The following GALNS variants were observed in gnomAD, a reference collection of about 807,000 sequenced individuals.
GALNS encodes galactosamine (N-acetyl)-6-sulfatase, also known as N-acetylgalactosamine-6-sulfatase.
GALNS carries 65 observed loss-of-function variants against 65.9 expected under a neutral mutation model. The ratio of observed to expected loss-of-function variants is 0.99; its 90% CI spans 0.81 to 1.21. The LOEUF (loss-of-function observed/expected upper bound fraction) is 1.21. GALNS is among the 50% of genes most tolerant of loss of function. The pLI is 0.00. For missense variants in GALNS, 776 were observed against 700.7 expected (o/e 1.11, Z -1.21); for synonymous variants, 346 against 288.9 (o/e 1.20, Z -2.00).
intron 9 of GALNS, among the ~76,000 whole-genome samples, chr16:88,830,897 T>C (rs529638640): frequency 3.9e-5 from 6 of 152,270 alleles, no homozygotes; most frequent in African/African-American, 1.4e-4. Flanking sequence ...AAACGACCGA[T>C]TCTGTAGTAG....
intron 6 of GALNS, 115 bp from the exon 7 acceptor site, chr16:88,835,964 C>G (rs1054102501): frequency 6.1e-6 from 9 of 1,484,258 alleles, no homozygotes; most frequent in East Asian, 2.4e-5. Context: ...CCCGTCCCCA[C>G]GCGTCCCACG....
At chr16:88,840,822 A>C in intron 4 of GALNS, 170 bp downstream of exon 4, 1 of 664,866 alleles carries the variant, frequency 1.5e-6, no homozygotes. Flanking sequence ...TGGCAAGGTC[A>C]CGCTGGCCTG....
intron 13 of GALNS, chr16:88,816,174 C>T (rs997416891): frequency 1.0e-6 from 1 of 985,326 alleles, no homozygotes; most frequent in African/African-American, 1.7e-5. Context: ...GGCAGTTCCC[C>T]CAGTGCCCAG....
intron 1 of GALNS, among the ~76,000 whole-genome samples, chr16:88,853,496 G>T (rs1269778039): frequency 5.9e-5 from 9 of 152,170 alleles, no homozygotes; most frequent in African/African-American, 2.2e-4. Flanking sequence ...GGCTGCTGTG[G>T]CAACAGGAGC....
chr16:88,843,111 C>A (rs1445555358), intron 1 of GALNS: 1 of 1,472,168 alleles, frequency 6.8e-7, no homozygotes, highest in East Asian at 2.8e-5. Context: ...TCTGCTTGGT[C>A]TTCAGGTGGG....
intron 11 of GALNS, among the ~76,000 whole-genome samples, chr16:88,824,534 G>A (rs140435036): frequency 3.3e-5 from 5 of 152,236 alleles, no homozygotes; most frequent in Middle Eastern, 3.4e-3. Flanking sequence ...GCTATGCCGC[G>A]GGGCTACTGT....
intron 13 of GALNS, chr16:88,817,371 G>A: frequency 2.0e-6 from 2 of 985,458 alleles, no homozygotes; most frequent in South Asian, 9.4e-5. Flanking sequence ...AGGTGAACAA[G>A]GCCTGGTCTT....
At chr16:88,842,523 C>T (rs1967023022) in intron 2 of GALNS, 183 bp downstream of exon 2, 1 of 718,776 alleles carries the variant, frequency 1.4e-6, no homozygotes, top group Non-Finnish European at 2.3e-6. Flanking sequence ...GTGCCGCACC[C>T]CACATGGCAC....
intron 1 of GALNS, chr16:88,855,944 G>A: frequency 1.7e-6 from 1 of 572,748 alleles, no homozygotes; most frequent in East Asian, 2.9e-5. Context: ...CGGCGGGACA[G>A]GTGTAACCCC....
Position 88,842,225 on chromosome 16 carries a change from G to T in GALNS, c.245-254C>A, listed in dbSNP as rs996950698. The T allele has an allele frequency of 1.2e-5, 7 of 601,332 alleles. No homozygotes were observed. In the African/African-American group the frequency reaches 1.3e-4, roughly 11 times the overall value. The allele number at this position is 601,332 out of a possible 1,614,324, so 37.2% of individuals were successfully genotyped here. On this transcript the variant is annotated intron_variant, in intron 2 of 13. Coordinates refer to ENST00000268695, the MANE Select transcript of GALNS (RefSeq NM_000512.5). ...TGTCCCCAAGACCCCGCCTCCTTTCGCAGGCTCCTGGGACACCCACTGGGC... is the reference window on the plus strand; with the variant it reads ...TGTCCCCAAGACCCCGCCTCCTTTCTCAGGCTCCTGGGACACCCACTGGGC...
At chr16:88,839,906 TG>T (rs112552348) in intron 4 of GALNS, among the ~76,000 whole-genome samples, 6 of 152,370 alleles carry the variant, frequency 3.9e-5, no homozygotes, top group African/African-American at 1.4e-4. Flanking sequence ...CGGAGAGCTC[TG>T]GGTCACTGTG....
At chr16:88,815,529 A>T in intron 13 of GALNS, 1 of 985,452 alleles carries the variant, frequency 1.0e-6, no homozygotes, top group South Asian at 4.7e-5. Flanking sequence ...ATGGGAGGGC[A>T]CTTTTCCTGG....
intron 1 of GALNS, among the ~76,000 whole-genome samples, chr16:88,853,248 T>C (rs1023479055): frequency 4.2e-4 from 30 of 71,002 alleles, no homozygotes; most frequent in Middle Eastern, 0.031. Context: ...TGAGACTCCA[T>C]CTCAAAAAAA....
chr16:88,817,114 G>T, intron 13 of GALNS: 1 of 985,466 alleles, frequency 1.0e-6, no homozygotes, highest in Non-Finnish European at 1.2e-6. Context: ...GCTGTGCTGG[G>T]AAACAGGCCT....
chr16:88,824,022 G>T (rs1433075849), intron 11 of GALNS, among the ~76,000 whole-genome samples: 2 of 152,204 alleles, frequency 1.3e-5, no homozygotes, highest in African/African-American at 4.8e-5. Context: ...TCCCTCCTCA[G>T]CCTGGGTGCT....
intron 8 of GALNS, among the ~76,000 whole-genome samples, chr16:88,832,701 C>T (rs1157039357): frequency 2.6e-5 from 4 of 152,214 alleles, no homozygotes; most frequent in African/African-American, 4.8e-5. Flanking sequence ...AAAAGCCACC[C>T]CTGCTGCTGT....
intron 3 of GALNS, among the ~76,000 whole-genome samples, chr16:88,841,543 C>G (rs1024929227): frequency 2.0e-5 from 3 of 152,180 alleles, no homozygotes; most frequent in Admixed American, 1.3e-4. Flanking sequence ...CCCATCCAAA[C>G]CCCTCAAGCA....
chr16:88,839,307 G>A (rs948545253), intron 4 of GALNS, among the ~76,000 whole-genome samples: 16 of 150,552 alleles, frequency 1.1e-4, no homozygotes, highest in Admixed American at 2.6e-4. Flanking sequence ...GCAGGTCACC[G>A]CCCGGCCACA....
chr16:88,839,804 A>C (rs578082138), intron 4 of GALNS, among the ~76,000 whole-genome samples: 7 of 152,268 alleles, frequency 4.6e-5, no homozygotes, highest in Middle Eastern at 3.4e-3. Context: ...CGAGGCCTCT[A>C]TGGAGACCCA....
Sources: allele counts gnomAD v4.1 joint callset (sites outside exome capture counted in the v4.1 genomes callset), GRCh38; gene constraint gnomAD v4.1.1; transcripts MANE v1.5; gene names NCBI Gene and HGNC (gene_info 2026-07-23, HGNC 2026-07-21).